The following STS variants were observed in gnomAD, a reference collection of about 807,000 sequenced individuals.
The protein encoded by STS is steroid sulfatase.
STS carries 7 observed loss-of-function variants against 26.8 expected under a neutral mutation model. The ratio of observed to expected loss-of-function variants is 0.26; its 90% CI spans 0.15 to 0.49. The LOEUF (loss-of-function observed/expected upper bound fraction) is 0.49. STS is among the 20% of genes least tolerant of loss of function. STS has a pLI of 0.98. For missense variants in STS, 434 were observed against 465.6 expected (o/e 0.93, Z 0.63); for synonymous variants, 199 against 189.4 (o/e 1.05, Z -0.42).
chrX:7,320,843 A>T (rs1353095107), intron 8 of STS, among the ~76,000 whole-genome samples: 1 of 111,906 alleles, frequency 8.9e-6, no homozygotes, highest in African/African-American at 3.2e-5. Context: ...CTTTCTTAGG[A>T]GGCCATCACA....
intron 8 of STS, among the ~76,000 whole-genome samples, chrX:7,316,439 T>C (rs374884571): frequency 8.0e-5 from 9 of 112,277 alleles, no homozygotes; most frequent in African/African-American, 2.6e-4. Context: ...GTCTCATTCC[T>C]GGCTGCTTCT....
intron 7 of STS, among the ~76,000 whole-genome samples, chrX:7,291,912 A>C (rs1280919391): frequency 1.8e-5 from 2 of 112,375 alleles, no homozygotes; most frequent in Non-Finnish European, 3.8e-5. Flanking sequence ...CTGTGCCGAC[A>C]ATAGCTATTT....
intron 2 of STS, among the ~76,000 whole-genome samples, chrX:7,229,288 C>T (rs968878321): frequency 1.8e-5 from 2 of 111,630 alleles, no homozygotes; most frequent in Non-Finnish European, 3.8e-5. Context: ...TAATTAGGTT[C>T]CGCTCACCCC....
At position 7,209,162 on chromosome X, in the gene STS, C is replaced by A. The variant is rs1466480329; in HGVS notation, c.-5+18154C>A. Among the ~76,000 whole-genome samples, 3 of 111,193 alleles carry A rather than the reference C, an allele frequency of 2.7e-5. No homozygotes were observed. The Admixed American group carries it at 2.9e-4, about 11-fold the overall frequency. On this transcript the variant is annotated intron_variant, in intron 2 of 10. Coordinates refer to ENST00000674429, the MANE Select transcript of STS (RefSeq NM_001320752.2). Reference sequence around the variant, plus strand: ...TACTTAGCCCACAACACGTCCCTTTCTTCTTTCTGTTTTGGGACTGGACCA... The same window carrying A: ...TACTTAGCCCACAACACGTCCCTTTATTCTTTCTGTTTTGGGACTGGACCA...
chrX:7,338,422 T>A (rs990585667), intron 10 of STS, among the ~76,000 whole-genome samples: 1 of 112,367 alleles, frequency 8.9e-6, no homozygotes, highest in Non-Finnish European at 1.9e-5. Context: ...TAGTACATAG[T>A]TAACAGCTTA....
At chrX:7,154,189 G>A (rs775235318) in intron 1 of STS, among the ~76,000 whole-genome samples, 1 of 111,858 alleles carries the variant, frequency 8.9e-6, no homozygotes, top group Non-Finnish European at 1.9e-5. Flanking sequence ...TCCTTGAATG[G>A]AATCACAGCT....
At chrX:7,186,955 C>T (rs1933783863) in intron 1 of STS, among the ~76,000 whole-genome samples, 1 of 111,326 alleles carries the variant, frequency 9.0e-6, no homozygotes, top group African/African-American at 3.3e-5. Flanking sequence ...ACAAAGACCT[C>T]AGCTCATTTC....
intron 1 of STS, among the ~76,000 whole-genome samples, chrX:7,149,114 G>A (rs188335321): frequency 1.2e-4 from 13 of 111,500 alleles, no homozygotes; most frequent in Admixed American, 1.0e-3. Flanking sequence ...TGTGCTGGGC[G>A]CAGTGGCCCA....
intron 7 of STS, among the ~76,000 whole-genome samples, chrX:7,301,984 A>C: frequency 8.9e-6 from 1 of 112,107 alleles, no homozygotes; most frequent in Non-Finnish European, 1.9e-5. Flanking sequence ...ATTGCATCCA[A>C]GGTTTTGACG....
chrX:7,316,167 C>G (rs1926705030), intron 8 of STS, among the ~76,000 whole-genome samples: 1 of 111,652 alleles, frequency 9.0e-6, no homozygotes, highest in Non-Finnish European at 1.9e-5. Context: ...GTTTTTCATT[C>G]TTGCAGACAA....
chrX:7,207,672 C>T (rs1226162988), intron 2 of STS, among the ~76,000 whole-genome samples: 2 of 111,729 alleles, frequency 1.8e-5, no homozygotes, highest in Admixed American at 1.9e-4. Context: ...ATGTCATAAA[C>T]CAATTTTGAG....
intron 2 of STS, among the ~76,000 whole-genome samples, chrX:7,198,533 T>A (rs956374026): frequency 2.7e-5 from 3 of 111,997 alleles, no homozygotes; most frequent in Non-Finnish European, 5.6e-5. Flanking sequence ...GAATTTGTTG[T>A]CCTACAGAGG....
intron 2 of STS, among the ~76,000 whole-genome samples, chrX:7,196,180 AAG>A (rs1257588013): frequency 8.9e-6 from 1 of 112,110 alleles, no homozygotes; most frequent in East Asian, 2.8e-4. Context: ...AAAGAAGTGA[AAG>A]AGAGAAAGGT....
intron 1 of STS, among the ~76,000 whole-genome samples, chrX:7,151,989 T>G (rs771902864): frequency 1.5e-4 from 17 of 111,485 alleles, no homozygotes; most frequent in Non-Finnish European, 3.2e-4. Context: ...GTCTCACTCT[T>G]TCGCCCAGGC....
chrX:7,218,116 C>T (rs1921385327), intron 2 of STS, among the ~76,000 whole-genome samples: 1 of 111,989 alleles, frequency 8.9e-6, no homozygotes, highest in African/African-American at 3.2e-5. Flanking sequence ...TGAATCTTTG[C>T]AGAACTGGAA....
intron 2 of STS, among the ~76,000 whole-genome samples, chrX:7,193,929 A>T (rs185765075): frequency 4.5e-5 from 5 of 110,765 alleles, no homozygotes; most frequent in Non-Finnish European, 9.5e-5. Flanking sequence ...TTTGAGACAG[A>T]CTCTCACTCT....
chrX:7,324,293 G>C (rs942468511), intron 8 of STS, among the ~76,000 whole-genome samples: 4 of 110,361 alleles, frequency 3.6e-5, no homozygotes, highest in Admixed American at 9.8e-5. Flanking sequence ...TAAAATAAGG[G>C]GGTTGTGGAG....
rs58035014 is a variant in STS, at chrX:7,167,255, G to A, written c.-134+19172G>A. 9.2e-3 allele frequency among the ~76,000 whole-genome samples: 1,014 copies of A among 110,683 alleles called. 9 individuals carry two copies. The highest frequency in any genetic ancestry group is 0.031 in the African/African-American group (932 of 30,415). On this transcript the variant is annotated intron_variant, in intron 1 of 10. Transcript: ENST00000674429. ...TTTAGAGACAGAGTCTTGCTCTGTC[G>A]CCCAGGCTGGAGTGCAGTGGCAGGA...
chrX:7,223,270 T>C (rs1342332788), intron 2 of STS, among the ~76,000 whole-genome samples: 3 of 112,098 alleles, frequency 2.7e-5, no homozygotes, highest in Non-Finnish European at 5.6e-5. Context: ...TACCCGGTAG[T>C]GGGATTGCTG....
Sources: allele counts gnomAD v4.1 joint callset (sites outside exome capture counted in the v4.1 genomes callset), GRCh38; gene constraint gnomAD v4.1.1; transcripts MANE v1.5; gene names NCBI Gene and HGNC (gene_info 2026-07-23, HGNC 2026-07-21).